The following SUGCT variants were observed in gnomAD, a reference collection of about 807,000 sequenced individuals.
SUGCT encodes the protein succinyl-CoA:glutarate-CoA transferase.
In SUGCT, 41 loss-of-function variants were observed where a neutral mutation model predicts 55.0. That is an observed-to-expected ratio of 0.74 (90% CI 0.58 to 0.97). SUGCT has a LOEUF of 0.97. Among genes scored for constraint, SUGCT ranks in the 50% least tolerant of loss-of-function variants. The pLI is 0.00. For missense variants in SUGCT, 568 were observed against 547.8 expected (o/e 1.04, Z -0.37); for synonymous variants, 187 against 200.4 (o/e 0.93, Z 0.56).
chr7:40,687,427 C>A (rs941447033), intron 12 of SUGCT, among the ~76,000 whole-genome samples: 2 of 150,540 alleles, frequency 1.3e-5, no homozygotes, highest in African/African-American at 5.0e-5. Context: ...TACTCCAGCT[C>A]CCTCCCAGAG....
intron 9 of SUGCT, among the ~76,000 whole-genome samples, chr7:40,336,230 C>T (rs1423915370): frequency 3.3e-5 from 5 of 152,092 alleles, no homozygotes; most frequent in Non-Finnish European, 7.4e-5. Context: ...GTATCTCTGC[C>T]AGGCTTTGAT....
intron 11 of SUGCT, among the ~76,000 whole-genome samples, chr7:40,487,014 C>T (rs966821611): frequency 1.6e-4 from 24 of 151,004 alleles, no homozygotes; most frequent in Admixed American, 4.0e-4. Context: ...CTAAAGTTTC[C>T]GCTATTACTG....
intron 6 of SUGCT, among the ~76,000 whole-genome samples, chr7:40,196,380 A>G (rs544008664): frequency 6.6e-6 from 1 of 152,346 alleles, no homozygotes; most frequent in South Asian, 2.1e-4. Flanking sequence ...CTTCCAGGCA[A>G]TAGACTCAGA....
At chr7:40,165,660 TTGAC>T (rs1784386591) in intron 1 of SUGCT, among the ~76,000 whole-genome samples, 1 of 152,178 alleles carries the variant, frequency 6.6e-6, no homozygotes, top group Non-Finnish European at 1.5e-5. Context: ...TATGCAAAAT[TTGAC>T]TCTAGATATA....
At chr7:40,290,372 C>A (rs1178830726) in intron 8 of SUGCT, among the ~76,000 whole-genome samples, 1 of 152,194 alleles carries the variant, frequency 6.6e-6, no homozygotes, top group Non-Finnish European at 1.5e-5. Flanking sequence ...ACCATCTGAT[C>A]TTTGACAAAC....
At chr7:40,982,522 A>C in the SUGCT span, among the ~76,000 whole-genome samples, 3 of 152,298 alleles carry the variant, frequency 2.0e-5, no homozygotes, top group South Asian at 6.2e-4. Flanking sequence ...ATTTTCTCAC[A>C]GTTCTGGAGG....
the SUGCT span, among the ~76,000 whole-genome samples, chr7:40,943,939 C>T: frequency 1.3e-5 from 2 of 148,704 alleles, no homozygotes; most frequent in African/African-American, 2.5e-5. Flanking sequence ...TCTCCAGCAC[C>T]TGTTGTTTCC....
chr7:40,740,391 C>A (rs1787397954), intron 12 of SUGCT, among the ~76,000 whole-genome samples: 1 of 150,546 alleles, frequency 6.6e-6, no homozygotes, highest in African/African-American at 2.4e-5. Context: ...ATATTTGTTC[C>A]TTTTATTTTT....
At chr7:40,819,845 C>T (rs1791885993) in intron 13 of SUGCT, among the ~76,000 whole-genome samples, 1 of 152,150 alleles carries the variant, frequency 6.6e-6, no homozygotes, top group Admixed American at 6.5e-5. Context: ...TGCCTACAGC[C>T]TGAATGGTAT....
At chr7:40,992,543 C>G in the SUGCT span, among the ~76,000 whole-genome samples, 1 of 152,046 alleles carries the variant, frequency 6.6e-6, no homozygotes, top group African/African-American at 2.4e-5. Flanking sequence ...GATGGAGTTG[C>G]TCTGGTTCAA....
the SUGCT span, among the ~76,000 whole-genome samples, chr7:41,007,303 A>G: frequency 6.6e-6 from 1 of 152,186 alleles, no homozygotes; most frequent in Non-Finnish European, 1.5e-5. Flanking sequence ...TGTTTGATCA[A>G]GTGAGATGGC....
At chr7:40,375,440 A>T (rs1583545139) in intron 9 of SUGCT, among the ~76,000 whole-genome samples, 1 of 152,144 alleles carries the variant, frequency 6.6e-6, no homozygotes, top group East Asian at 1.9e-4. Context: ...AAATAAGGTT[A>T]TAAAAAAATT....
intron 9 of SUGCT, among the ~76,000 whole-genome samples, chr7:40,376,453 G>A (rs749496959): frequency 1.1e-4 from 16 of 150,348 alleles, no homozygotes; most frequent in South Asian, 2.1e-4. Flanking sequence ...GCAGTGGCAC[G>A]TGATCTCCAC....
chr7:40,233,860 G>A (rs188097674), intron 6 of SUGCT, among the ~76,000 whole-genome samples: 5 of 152,256 alleles, frequency 3.3e-5, no homozygotes, highest in Non-Finnish European at 7.4e-5. Context: ...AGACATTGAG[G>A]CTTAGGAAGA....
intron 12 of SUGCT, among the ~76,000 whole-genome samples, chr7:40,531,808 G>A (rs1381828562): frequency 6.6e-6 from 1 of 151,778 alleles, no homozygotes; most frequent in East Asian, 1.9e-4. Context: ...CGAGTAGCGG[G>A]GACTACAGGC....
chr7:40,665,290 G>A (rs181180638), intron 12 of SUGCT, among the ~76,000 whole-genome samples: 1 of 151,188 alleles, frequency 6.6e-6, no homozygotes, highest in Non-Finnish European at 1.5e-5. Context: ...AATACAAAAA[G>A]AATTAGCCAA....
At chr7:40,967,844 G>A in the SUGCT span, among the ~76,000 whole-genome samples, 3 of 152,034 alleles carry the variant, frequency 2.0e-5, no homozygotes, top group East Asian at 1.9e-4. Context: ...GGATGGTCTC[G>A]ATCTCCAACG....
chr7:40,197,781 G>A (rs192204686), intron 6 of SUGCT, among the ~76,000 whole-genome samples: 2 of 152,294 alleles, frequency 1.3e-5, no homozygotes, highest in African/African-American at 4.8e-5. Context: ...ATAGGGTGTG[G>A]GTTTCGAGCA....
intron 12 of SUGCT, among the ~76,000 whole-genome samples, chr7:40,520,269 TTATTA>T (rs1793459907): frequency 6.6e-6 from 1 of 152,124 alleles, no homozygotes; most frequent in Non-Finnish European, 1.5e-5. Context: ...GCATTGAATA[TTATTA>T]GAAAAGCTAA....
Sources: allele counts gnomAD v4.1 joint callset (sites outside exome capture counted in the v4.1 genomes callset), GRCh38; gene constraint gnomAD v4.1.1; transcripts MANE v1.5; gene names NCBI Gene and HGNC (gene_info 2026-07-23, HGNC 2026-07-21).